The following ISG20L2 variants were observed in gnomAD, a reference collection of about 807,000 sequenced individuals.
ISG20L2 encodes interferon-stimulated 20 kDa exonuclease-like 2.
In ISG20L2, 14 loss-of-function variants were observed where a neutral mutation model predicts 27.8. The ratio of observed to expected loss-of-function variants is 0.50; its 90% CI spans 0.33 to 0.79. ISG20L2 has a LOEUF of 0.79. Among genes scored for constraint, ISG20L2 ranks in the 30% least tolerant of loss-of-function variants. The probability of loss-of-function intolerance (pLI) is 0.02; values close to 1 mark genes in which losing one functional copy is unlikely to be tolerated. For missense variants in ISG20L2, 393 were observed against 435.1 expected, an observed-to-expected ratio of 0.90 and a Z score of 0.86; for synonymous variants, 157 against 165.7, an observed-to-expected ratio of 0.95 and a Z score of 0.40.
rs779212784 is a variant in ISG20L2, at chr1:156,724,236, G to A, written c.860C>T (p.Pro287Leu). The A allele has an allele frequency of 6.2e-7, 1 of 1,613,960 alleles. No homozygotes were observed. The highest frequency in any genetic ancestry group is 8.5e-7 in the Non-Finnish European group (1 of 1,179,924). Residue 287 changes from proline (P) to leucine (L), a missense_variant, in exon 3 of 4, where the codon CCC becomes CTC. Physicochemically the swap from Pro to Leu is moderately conservative, Grantham distance 98. This residue lies in a region of ISG20L2 where 171 missense variants were observed against 195.3 expected (regional missense o/e 0.88). Coordinates refer to ENST00000368219, the MANE Select transcript of ISG20L2 (RefSeq NM_001370150.2). ...KSLTRDTSHI[P>L]PLNRKADCPE... is the part of the protein sequence containing the mutation. ...GCAGTCAGCCTTCCGGTTGAGGGGG[G>A]GGATATGGGAGGTGTCACGGGTGAG...
At chr1:156,724,629 T>C in intron 2 of ISG20L2, 1 of 1,178,638 alleles carries the variant, frequency 8.5e-7, no homozygotes, top group Non-Finnish European at 1.1e-6. Context: ...CCTTCAGTCC[T>C]AAATGACACT....
In ISG20L2 at chr1:156,728,548, C is replaced by T. The variant is rs35584435; in HGVS notation, c.-251G>A. 1.2e-5 allele frequency: 12 copies of T among 985,668 alleles called. No homozygotes were observed. The highest frequency in any genetic ancestry group is 1.3e-5 in the Non-Finnish European group (11 of 829,908). The allele number at this position is 985,668 out of a possible 1,614,324, so 61.1% of individuals were successfully genotyped here. The stretch of plus-strand genomic sequence containing the variant: ...GGTCGGCGCGCGCACACCCGCACCG[C>T]CCCGACCCCAGGTAGTGAGGCCAGT... On this transcript the variant is annotated 5_prime_UTR_variant, in exon 1 of 4. Transcript: ENST00000368219.
Position 156,723,208 on chromosome 1 carries a change from A to G in ISG20L2, c.*141T>C, listed in dbSNP as rs1648609816. ...CACCTGAGGTGAAATTTCAATGGGT[A>G]TTAAGTCTGGGGTAGAGCTTCTCTC... On this transcript the variant is annotated 3_prime_UTR_variant, in exon 4 of 4. Coordinates refer to ENST00000368219, the MANE Select transcript of ISG20L2 (RefSeq NM_001370150.2). 5.9e-6 allele frequency: 6 copies of G among 1,022,078 alleles called. No individual in the cohort carries two copies. The East Asian group carries it at 1.4e-4, about 25-fold the overall frequency. 63.3% of individuals were successfully genotyped at this position (1,022,078 alleles called of 1,614,324 possible). A position where few individuals can be genotyped will look rare whatever the true frequency, so the allele number is the denominator to read the frequency against.
Position 156,724,187 on chromosome 1 carries a change from C to T in ISG20L2, c.909G>A (p.Leu303=). 1 of 1,613,372 alleles carries T rather than the reference C, an allele frequency of 6.2e-7. No homozygotes were observed. Among genetic ancestry groups the T allele is most frequent in the South Asian group, 1.1e-5 (1 of 91,036 alleles). ...ADCPENATMS[L]KHLTKKLLNR... is the part of the protein sequence containing the mutation. ...TTAGCAGCTTCTTGGTGAGATGCTT[C>T]AGAGACATGGTGGCATTCTCCGGGC... Residue 303 remains leucine (L), a synonymous_variant, in exon 3 of 4, where the codon CTG becomes CTA. Transcript: ENST00000368219.
intron 2 of ISG20L2, chr1:156,724,587 C>A: frequency 7.7e-7 from 1 of 1,292,626 alleles, no homozygotes; most frequent in South Asian, 2.1e-5. Context: ...TCCTTACCTT[C>A]TTATTGATCT....
At chr1:156,723,894 C>T (rs999688685) in intron 3 of ISG20L2, 3 of 1,319,668 alleles carry the variant, frequency 2.3e-6, no homozygotes, top group Non-Finnish European at 2.9e-6. Context: ...CTTGGACCAC[C>T]ACTGCTACCT....
At position 156,727,496 on chromosome 1, in the gene ISG20L2, T is replaced by C. The variant is rs1245228875; in HGVS notation, c.157A>G (p.Lys53Glu). ...TTCTTTGAAGGTTCAGAGTGCAACT[T>C]AGGCGCCTTGCTAGGGGGTTGGTTC... ...KKNQPPSKAP[K>E]LHSEPSKKGE... The change falls in exon 2 of 4, where the codon AAG becomes GAG. Residue 53 changes from lysine (K) to glutamate (E), a missense_variant. Lys to Glu is a moderately conservative substitution (Grantham distance 56). This residue lies in a region of ISG20L2 where 183 missense variants were observed against 168.2 expected (regional missense o/e 1.09). Coordinates refer to ENST00000368219, the MANE Select transcript of ISG20L2 (RefSeq NM_001370150.2). 12 of 1,613,962 alleles carry C rather than the reference T, an allele frequency of 7.4e-6. No individual in the cohort carries two copies. The highest frequency in any genetic ancestry group is 3.3e-5 in the South Asian group (3 of 91,086).
rs146783048 is a variant in ISG20L2, at chr1:156,727,996, T to C, written c.-117-227A>G. The C allele has an allele frequency of 4.5e-4, 476 of 1,056,758 alleles. 3 individuals carry two copies. The African/African-American group carries it at 6.8e-3, about 15-fold the overall frequency. 65.5% of individuals were successfully genotyped at this position (1,056,758 alleles called of 1,614,324 possible). ...AGCCATTTGGTCTTAGTAAGGTCAT[T>C]ACCGCGCTCTAGGTTTGAGTCTCAT... On this transcript the variant is annotated intron_variant, in intron 1 of 3. Transcript: ENST00000368219.
Position 156,728,471 on chromosome 1 carries a change from T to A in ISG20L2, c.-174A>T. On this transcript the variant is annotated 5_prime_UTR_variant, in exon 1 of 4. Coordinates refer to ENST00000368219, the MANE Select transcript of ISG20L2 (RefSeq NM_001370150.2). ...GTCCGGAGCCGGATGCGGAAATCGG[T>A]GCGCGCCGACGAAGCCCGGGAAGGC... 3 of 985,640 alleles carry A rather than the reference T, an allele frequency of 3.0e-6. No homozygotes were observed. Among genetic ancestry groups the A allele is most frequent in the Non-Finnish European group, 3.6e-6 (3 of 829,946 alleles). The allele number at this position is 985,640 out of a possible 1,614,324, so 61.1% of individuals were successfully genotyped here. A position where few individuals can be genotyped will look rare whatever the true frequency, so the allele number is the denominator to read the frequency against.
In ISG20L2 at chr1:156,728,415, C is replaced by T. The variant is rs922450411; in HGVS notation, c.-118G>A. The T allele has an allele frequency of 1.0e-6, 1 of 985,562 alleles. No individual in the cohort carries two copies. The highest frequency in any genetic ancestry group is 1.2e-6 in the Non-Finnish European group (1 of 829,978). 61.1% of individuals were successfully genotyped at this position (985,562 alleles called of 1,614,324 possible). ...CGATCTCTCACGCTCACAAACCTACCTCCCAGACGGGTCCAGCTAAGACCG... is the reference window on the plus strand; with the variant it reads ...CGATCTCTCACGCTCACAAACCTACTTCCCAGACGGGTCCAGCTAAGACCG... On this transcript the variant is annotated splice_region_variant and 5_prime_UTR_variant, in exon 1 of 4. Coordinates refer to ENST00000368219, the MANE Select transcript of ISG20L2 (RefSeq NM_001370150.2).
At chr1:156,726,563 T>C (rs1259397232) in intron 2 of ISG20L2, 8 of 793,376 alleles carry the variant, frequency 1.0e-5, no homozygotes, top group Non-Finnish European at 1.2e-5. Context: ...TTGGCTAACT[T>C]TTTTGTAGAT....
At position 156,724,382 on chromosome 1, in the gene ISG20L2, G is replaced by C. The variant is rs368359063; in HGVS notation, c.748-34C>G. The stretch of plus-strand genomic sequence containing the variant: ...AGTGTGGGAAGAGAGTGGTGAGAAG[G>C]AAGACTGAAGTGGAACCCCTGCATT... On this transcript the variant is annotated intron_variant, in intron 2 of 3. Coordinates refer to ENST00000368219, the MANE Select transcript of ISG20L2 (RefSeq NM_001370150.2). 4 of 1,566,240 alleles carry C rather than the reference G, an allele frequency of 2.6e-6. No individual in the cohort carries two copies. In the African/African-American group the frequency reaches 5.4e-5, roughly 21 times the overall value.
chr1:156,727,215 A>C lies in ISG20L2; in HGVS notation c.438T>G (p.Ser146=). 6.2e-7 allele frequency: 1 copy of C among 1,613,902 alleles called. No homozygotes were observed. The highest frequency in any genetic ancestry group is 8.5e-7 in the Non-Finnish European group (1 of 1,180,008). ...CATTCTTCTGAGGATGGTTCTTTTT[A>C]GAGGATTTCTTCTGGGAGCTCTTCT... ...SQKKSSQKKS[S]KKNHPQKNAP... Residue 146 remains serine, a synonymous_variant, in exon 2 of 4, where the codon TCT becomes TCG. Coordinates refer to ENST00000368219, the MANE Select transcript of ISG20L2 (RefSeq NM_001370150.2).
At chr1:156,724,494 GT>G (rs1252097241) in intron 2 of ISG20L2, 146 bp from the exon 3 acceptor site, 8 of 1,410,174 alleles carry the variant, frequency 5.7e-6, no homozygotes, top group Non-Finnish European at 2.8e-6. Flanking sequence ...ACTCCCACAA[GT>G]TTTCTTTCTT....
chr1:156,724,579 C>G, intron 2 of ISG20L2: 1 of 1,309,278 alleles, frequency 7.6e-7, no homozygotes, highest in Non-Finnish European at 9.7e-7. Context: ...CCAGTGGCTC[C>G]TTACCTTCTT....
At position 156,727,717 on chromosome 1, in the gene ISG20L2, A is replaced by C; in HGVS notation, c.-65T>G. ...CTTATGGATGAAAAGAGGATGTGGG[A>C]CTCATTCTCTGCTGAATCCTACTGT... On this transcript the variant is annotated 5_prime_UTR_variant, in exon 2 of 4. Coordinates refer to ENST00000368219, the MANE Select transcript of ISG20L2 (RefSeq NM_001370150.2). The C allele has an allele frequency of 3.9e-6, 6 of 1,551,346 alleles. No homozygotes were observed. The highest frequency in any genetic ancestry group is 5.2e-6 in the Non-Finnish European group (6 of 1,156,630).
At position 156,724,182 on chromosome 1, in the gene ISG20L2, T is replaced by C; in HGVS notation, c.914A>G (p.His305Arg). 1.2e-6 allele frequency: 2 copies of C among 1,612,108 alleles called. No homozygotes were observed. Among genetic ancestry groups the C allele is most frequent in the Non-Finnish European group, 1.7e-6 (2 of 1,179,212 alleles). ...CCGGTTTAGCAGCTTCTTGGTGAGA[T>C]GCTTCAGAGACATGGTGGCATTCTC... ...CPENATMSLK[H>R]LTKKLLNRDI... Residue 305 changes from histidine (H) to arginine (R), a missense_variant, in exon 3 of 4, where the codon CAT (histidine) becomes CGT (arginine). Physicochemically the swap from His to Arg is conservative, Grantham distance 29 (BLOSUM62 0). Coordinates refer to ENST00000368219, the MANE Select transcript of ISG20L2 (RefSeq NM_001370150.2).
chr1:156,724,116 A>G (rs1215596820), intron 3 of ISG20L2, 32 bp downstream of exon 3: 1 of 1,576,698 alleles, frequency 6.3e-7, no homozygotes, highest in Non-Finnish European at 8.7e-7. Context: ...GCCATGTCCA[A>G]GATGGGGGCG....
At chr1:156,725,719 C>T (rs1648723441) in intron 2 of ISG20L2, 1 of 231,318 alleles carries the variant, frequency 4.3e-6, no homozygotes, top group East Asian at 1.8e-4. Context: ...GACATATAGC[C>T]CTCATCAAAG....
Sources: gnomAD v4.1 joint callset for allele counts on GRCh38, gnomAD v4.1.1 for gene constraint, gnomAD v4.1.1 regional missense constraint, MANE v1.5 for transcripts, NCBI Gene and HGNC (gene_info 2026-07-23, HGNC 2026-07-21) for gene names.